RPTOR: variants seen among roughly 807,000 people sequenced by gnomAD.
RPTOR encodes the protein regulatory associated protein of MTOR complex 1.
RPTOR carries 21 observed loss-of-function variants against 169.9 expected under a neutral mutation model. The ratio of observed to expected loss-of-function variants is 0.12; its 90% confidence interval spans 0.09 to 0.18. RPTOR has a LOEUF of 0.18. Among genes scored for constraint, RPTOR ranks in the 10% least tolerant of loss-of-function variants. The probability of loss-of-function intolerance (pLI) is 1.00; values close to 1 mark genes in which losing one functional copy is unlikely to be tolerated. For missense variants in RPTOR, 1,133 were observed against 1,855.9 expected (o/e 0.61, Z 7.16); for synonymous variants, 732 against 753.2 (o/e 0.97, Z 0.46).
chr17:80,626,153 A>G (rs1827860112), intron 2 of RPTOR, among the ~76,000 whole-genome samples: 2 of 152,054 alleles, frequency 1.3e-5, no homozygotes, highest in African/African-American at 4.8e-5. Context: ...CCTGGGTTCA[A>G]GCCATTCTCA....
At chr17:80,668,276 C>G (rs907240174) in intron 3 of RPTOR, among the ~76,000 whole-genome samples, 24 of 152,166 alleles carry the variant, frequency 1.6e-4, no homozygotes, top group Non-Finnish European at 1.5e-5. Context: ...AAGTTTCTTC[C>G]ATCTCCATCC....
At chr17:80,790,414 C>A (rs942592186) in intron 6 of RPTOR, among the ~76,000 whole-genome samples, 1 of 152,202 alleles carries the variant, frequency 6.6e-6, no homozygotes, top group Non-Finnish European at 1.5e-5. Context: ...TCCCCTCGCC[C>A]TGCAGGGCTG....
chr17:80,712,697 G>A (rs1408586788), intron 4 of RPTOR, among the ~76,000 whole-genome samples: 1 of 152,200 alleles, frequency 6.6e-6, no homozygotes, highest in African/African-American at 2.4e-5. Flanking sequence ...AATGGGTTTG[G>A]TGGATGATTC....
chr17:80,551,595 A>G (rs1283945786), intron 1 of RPTOR, among the ~76,000 whole-genome samples: 1 of 152,240 alleles, frequency 6.6e-6, no homozygotes, highest in Non-Finnish European at 1.5e-5. Flanking sequence ...CTCCAGCCCT[A>G]AGGCAGTTTT....
intron 9 of RPTOR, among the ~76,000 whole-genome samples, chr17:80,836,850 G>T (rs1261155256): frequency 6.6e-6 from 1 of 152,224 alleles, no homozygotes; most frequent in Non-Finnish European, 1.5e-5. Context: ...CCAGGAACTG[G>T]CCTGGAGGTG....
chr17:80,752,566 T>C (rs1030853564), intron 5 of RPTOR, among the ~76,000 whole-genome samples: 5 of 152,218 alleles, frequency 3.3e-5, no homozygotes, highest in Non-Finnish European at 7.3e-5. Context: ...TCTTGTGAAC[T>C]TCATTATTTC....
chr17:80,813,264 C>T (rs780824314), intron 7 of RPTOR, among the ~76,000 whole-genome samples: 5 of 152,250 alleles, frequency 3.3e-5, no homozygotes, highest in Non-Finnish European at 5.9e-5. Flanking sequence ...AGAGGCTGGA[C>T]GAGAATATCA....
chr17:80,730,779 G>C lies in RPTOR; in HGVS notation c.654+73G>C, dbSNP rs2066385088. On this transcript the variant is annotated intron_variant, in intron 5 of 33. Transcript: ENST00000306801. This position sits in a 1 kb window ranked among gnomAD's most constrained non-coding sequence, Gnocchi z 4.2. ...TCCCTGGGGGTGGGGTTTGGGTGGG[G>C]AGGTTGGGAGGTGTTGGACATCCTC... is the stretch of plus-strand genomic sequence containing the variant. The C allele has an allele frequency of 2.8e-4, 176 of 628,092 alleles. No homozygotes were observed. Among genetic ancestry groups the C allele is most frequent in the Middle Eastern group, 1.1e-3 (2 of 1,898 alleles). The allele number at this position is 628,092 out of a possible 1,614,324, so 38.9% of individuals were successfully genotyped here.
At chr17:80,908,327 A>G (rs559580136) in intron 20 of RPTOR, among the ~76,000 whole-genome samples, 1 of 152,326 alleles carries the variant, frequency 6.6e-6, no homozygotes, top group Admixed American at 6.5e-5. Context: ...GAGCAGGGCC[A>G]GTGCCTGGAG....
chr17:80,685,626 TA>T lies in RPTOR; in HGVS notation c.349-22214del, dbSNP rs1370769473. On this transcript the variant is annotated intron_variant, in intron 3 of 33. Coordinates refer to ENST00000306801, the MANE Select transcript of RPTOR (RefSeq NM_020761.3). ...CCATATATATATATATATATATATA[TA>T]TTTTTTTTTTTTTTTTTTTTTTTTT... Among the ~76,000 whole-genome samples, 28 of 35,740 alleles carry T rather than the reference TA, an allele frequency of 7.8e-4. No individual in the cohort carries two copies. The East Asian group carries it at 0.016, about 21-fold the overall frequency. The allele number at this position is 35,740 out of a possible 152,430, so 23.4% of individuals were successfully genotyped here. A position where few individuals can be genotyped will look rare whatever the true frequency, so the allele number is the denominator to read the frequency against.
At chr17:80,796,701 A>C (rs1456912751) in intron 7 of RPTOR, among the ~76,000 whole-genome samples, 3 of 152,176 alleles carry the variant, frequency 2.0e-5, no homozygotes, top group Non-Finnish European at 2.9e-5. Flanking sequence ...TAACTTCTTA[A>C]AGTGTGTGGA....
At chr17:80,876,993 T>C (rs11650577) in intron 13 of RPTOR, among the ~76,000 whole-genome samples, 1,169 of 76,942 alleles carry the variant, frequency 0.015, no homozygotes, top group Middle Eastern at 0.032. Flanking sequence ...GCCCGTGCCA[T>C]GCAGGGTGTG....
intron 1 of RPTOR, among the ~76,000 whole-genome samples, chr17:80,550,944 A>G (rs1433204455): frequency 3.3e-5 from 5 of 152,108 alleles, no homozygotes; most frequent in Admixed American, 3.3e-4. Flanking sequence ...CTGGAGTGCA[A>G]TGGCGTGATC....
chr17:80,852,767 C>T (rs2067807106), intron 11 of RPTOR, among the ~76,000 whole-genome samples: 1 of 151,954 alleles, frequency 6.6e-6, no homozygotes, highest in Non-Finnish European at 1.5e-5. Context: ...AAGCTCCTCC[C>T]TCTCCACGGC....
intron 25 of RPTOR, among the ~76,000 whole-genome samples, chr17:80,943,220 G>A (rs1204039641): frequency 2.0e-5 from 3 of 152,216 alleles, no homozygotes; most frequent in African/African-American, 4.8e-5. Context: ...GGAGGTGGGC[G>A]GCTTTGGCTG....
chr17:80,684,495 GT>G (rs1394262065), intron 3 of RPTOR, among the ~76,000 whole-genome samples: 1 of 151,418 alleles, frequency 6.6e-6, no homozygotes, highest in Non-Finnish European at 1.5e-5. Flanking sequence ...CCAGGCTGGA[GT>G]TGCAGTGGTG....
At chr17:80,902,657 A>G (rs1425973763) in intron 20 of RPTOR, among the ~76,000 whole-genome samples, 1 of 152,194 alleles carries the variant, frequency 6.6e-6, no homozygotes, top group Non-Finnish European at 1.5e-5. Context: ...CTCAGGATGG[A>G]AGGATGGCTG....
chr17:80,579,739 G>C (rs2064998711), intron 1 of RPTOR, among the ~76,000 whole-genome samples: 1 of 152,172 alleles, frequency 6.6e-6, no homozygotes, highest in South Asian at 2.1e-4. Context: ...AAATGAAAAA[G>C]TTCAACCTTT....
At chr17:80,715,060 C>A (rs929630313) in intron 4 of RPTOR, among the ~76,000 whole-genome samples, 2 of 152,188 alleles carry the variant, frequency 1.3e-5, no homozygotes, top group African/African-American at 2.4e-5. Flanking sequence ...ACAGAAAATG[C>A]TGAGCAAATT....
Sources: allele counts gnomAD v4.1 joint callset (sites outside exome capture counted in the v4.1 genomes callset), GRCh38; gene constraint gnomAD v4.1.1; non-coding constraint Gnocchi (gnomAD v3.1); transcripts MANE v1.5; gene names NCBI Gene and HGNC (gene_info 2026-07-23, HGNC 2026-07-21).